The following COG3 variants were observed in gnomAD, a reference collection of about 807,000 sequenced individuals.
COG3 encodes the protein component of oligomeric golgi complex 3.
Under a neutral mutation model 114.1 loss-of-function variants are expected in COG3, and 32 were observed. The ratio of observed to expected loss-of-function variants is 0.28; its 90% CI spans 0.21 to 0.38. The LOEUF (loss-of-function observed/expected upper bound fraction) is 0.38. Among genes scored for constraint, COG3 ranks in the 10% least tolerant of loss-of-function variants. COG3 has a pLI of 1.00. For missense variants in COG3, 813 were observed against 973.2 expected (o/e 0.84, Z 2.19); for synonymous variants, 352 against 365.7 (o/e 0.96, Z 0.43).
At chr13:45,480,482 T>G (rs1886182150) in intron 4 of COG3, among the ~76,000 whole-genome samples, 192 bp downstream of exon 4, 1 of 152,242 alleles carries the variant, frequency 6.6e-6, no homozygotes, top group South Asian at 2.1e-4. Flanking sequence ...AAGGCAAGCC[T>G]TCTTATGTTT....
intron 4 of COG3, among the ~76,000 whole-genome samples, chr13:45,480,848 G>A (rs1212795648): frequency 6.6e-6 from 1 of 152,200 alleles, no homozygotes; most frequent in Non-Finnish European, 1.5e-5. Context: ...TTACAGGTGT[G>A]AGCCACTGCA....
chr13:45,513,579 T>A (rs1373278879), intron 16 of COG3, among the ~76,000 whole-genome samples: 1 of 146,718 alleles, frequency 6.8e-6, no homozygotes. Context: ...TATATACATT[T>A]TATATATATG....
At position 45,530,800 on chromosome 13, in the gene COG3, T is replaced by A. The variant is rs1391696180; in HGVS notation, c.2457+20T>A. ...GAACAGGTAATGGGTAGACTGAAGATCCTTATTACTTTTATGCCCTCTTGG... is the reference window on the plus strand; with the variant it reads ...GAACAGGTAATGGGTAGACTGAAGAACCTTATTACTTTTATGCCCTCTTGG... On this transcript the variant is annotated intron_variant, in intron 22 of 22. Transcript: ENST00000349995. 2 of 1,604,442 alleles carry A rather than the reference T, an allele frequency of 1.2e-6. No individual in the cohort carries two copies. Among genetic ancestry groups the A allele is most frequent in the Admixed American group, 3.3e-5 (2 of 59,814 alleles).
At position 45,535,462 on chromosome 13, in the gene COG3, A is replaced by T. The variant is rs556940521; in HGVS notation, c.*731A>T. The T allele has an allele frequency of 1.0e-5, 10 of 985,412 alleles. No homozygotes were observed. The highest frequency in any genetic ancestry group is 9.4e-5 in the South Asian group (2 of 21,284). 61.0% of individuals were successfully genotyped at this position (985,412 alleles called of 1,614,324 possible). On this transcript the variant is annotated 3_prime_UTR_variant, in exon 23 of 23. Transcript: ENST00000349995. ...TATCTTTAATGAGTATCTTCATGGT[A>T]TGATAGTGTGTGTTTGTGAGTGCGA...
In COG3 at chr13:45,516,134, A is replaced by G. The variant is rs755963481; in HGVS notation, c.1810-9A>G. On this transcript the variant is annotated splice_polypyrimidine_tract_variant and intron_variant, in intron 16 of 22. Coordinates refer to ENST00000349995, the MANE Select transcript of COG3 (RefSeq NM_031431.4). ...GTGATCATATCCATTTTTCTGTCTT[A>G]TAATTTAGACTCAGATTGATGGACA... The G allele has an allele frequency of 7.1e-6, 11 of 1,548,986 alleles. No homozygotes were observed. In the East Asian group the frequency reaches 2.5e-4, roughly 35 times the overall value.
chr13:45,475,105 C>A (rs1885778097), intron 1 of COG3, among the ~76,000 whole-genome samples: 1 of 152,172 alleles, frequency 6.6e-6, no homozygotes, highest in Admixed American at 6.5e-5. Context: ...GTTTTAATTT[C>A]AAAATTTGTC....
intron 1 of COG3, among the ~76,000 whole-genome samples, chr13:45,475,300 T>A (rs947457961): frequency 1.3e-5 from 2 of 152,244 alleles, no homozygotes; most frequent in Non-Finnish European, 2.9e-5. Context: ...TGGGCTCTGG[T>A]GGTCCTCCCA....
chr13:45,476,283 A>C lies in COG3; in HGVS notation c.257A>C (p.Asp86Ala). The change falls in exon 2 of 23, where the codon GAC (aspartate) becomes GCC (alanine). Residue 86 changes from aspartate to alanine, a missense_variant. Coordinates refer to ENST00000349995, the MANE Select transcript of COG3 (RefSeq NM_031431.4). Reference protein sequence around the residue: ...LTSVVPESTEDILLKGFTSLG... With the variant: ...LTSVVPESTEAILLKGFTSLG... ...TCAGTAGTGCCTGAATCTACAGAAG[A>C]CATTCTCTTGAAGGGCTTCACTTCC... is the stretch of plus-strand genomic sequence containing the variant. 1 of 1,613,884 alleles carries C rather than the reference A, an allele frequency of 6.2e-7. No individual in the cohort carries two copies. Among genetic ancestry groups the C allele is most frequent in the Admixed American group, 1.7e-5 (1 of 60,016 alleles).
At chr13:45,508,847 C>T (rs1282148751) in intron 14 of COG3, among the ~76,000 whole-genome samples, 1 of 152,124 alleles carries the variant, frequency 6.6e-6, no homozygotes, top group African/African-American at 2.4e-5. Context: ...GGGGGAAGCC[C>T]GCTCTGGTCA....
At chr13:45,507,104 T>C (rs556842074) in intron 14 of COG3, among the ~76,000 whole-genome samples, 1 of 152,288 alleles carries the variant, frequency 6.6e-6, no homozygotes, top group South Asian at 2.1e-4. Context: ...TGAACTAGTA[T>C]TAGTTACATA....
At chr13:45,498,721 G>C (rs1271710832) in intron 13 of COG3, among the ~76,000 whole-genome samples, 1 of 146,686 alleles carries the variant, frequency 6.8e-6, no homozygotes, top group African/African-American at 2.5e-5. Context: ...GCACCAGACT[G>C]TCTGGATTAC....
chr13:45,535,017 T>C lies in COG3; in HGVS notation c.*286T>C. On this transcript the variant is annotated 3_prime_UTR_variant, in exon 23 of 23. Transcript: ENST00000349995. ...AGAGAGAGCTAGGGCAGACATGCAGTGAAATGGTTCTTTGTTAAAAATGTG... is the reference window on the plus strand; with the variant it reads ...AGAGAGAGCTAGGGCAGACATGCAGCGAAATGGTTCTTTGTTAAAAATGTG... 8.5e-7 allele frequency: 1 copy of C among 1,182,448 alleles called. No homozygotes were observed. Among genetic ancestry groups the C allele is most frequent in the Non-Finnish European group, 1.0e-6 (1 of 957,924 alleles). 73.2% of individuals were successfully genotyped at this position (1,182,448 alleles called of 1,614,324 possible).
intron 1 of COG3, among the ~76,000 whole-genome samples, chr13:45,472,184 C>G (rs893808486): frequency 2.0e-5 from 3 of 152,104 alleles, no homozygotes; most frequent in Admixed American, 6.6e-5. Context: ...GATGAGAAGT[C>G]TGCTGTAATT....
intron 7 of COG3, 144 bp from the exon 8 acceptor site, chr13:45,486,351 A>G (rs1886667275): frequency 1.7e-6 from 1 of 579,646 alleles, no homozygotes; most frequent in Non-Finnish European, 3.0e-6. Flanking sequence ...GGAGAGGGAG[A>G]GGGAGAGGGA....
intron 14 of COG3, among the ~76,000 whole-genome samples, chr13:45,506,541 G>A (rs567706260): frequency 7.9e-5 from 12 of 152,220 alleles, no homozygotes; most frequent in Non-Finnish European, 1.5e-4. Context: ...ATAAGAATGC[G>A]ATTCTGCGAG....
chr13:45,482,784 T>A (rs1367211138), intron 6 of COG3, among the ~76,000 whole-genome samples: 3 of 152,234 alleles, frequency 2.0e-5, no homozygotes, highest in Admixed American at 2.0e-4. Flanking sequence ...GAGCCGTTTT[T>A]AAATTGTTGG....
chr13:45,495,096 G>A lies in COG3; in HGVS notation c.1328-1056G>A, dbSNP rs186603132. Among the ~76,000 whole-genome samples the A allele has an allele frequency of 2.1e-3, 312 of 150,386 alleles. 2 individuals are homozygous for A. The highest frequency in any genetic ancestry group is 3.4e-3 in the Non-Finnish European group (228 of 67,684). Reference sequence around the variant, plus strand: ...CTTGACCTCATGATCTGCCCGCCTCGGCCTCCCAAAGTGCTGGGATTACAG... The same window carrying A: ...CTTGACCTCATGATCTGCCCGCCTCAGCCTCCCAAAGTGCTGGGATTACAG... On this transcript the variant is annotated intron_variant, in intron 12 of 22. Coordinates refer to ENST00000349995, the MANE Select transcript of COG3 (RefSeq NM_031431.4).
chr13:45,493,719 A>C (rs1593704295), intron 12 of COG3: 1 of 295,198 alleles, frequency 3.4e-6, no homozygotes, highest in African/African-American at 2.1e-5. Context: ...AAATAATTAT[A>C]GTCAGTTTTC....
chr13:45,515,655 A>C (rs1871462567), intron 16 of COG3, among the ~76,000 whole-genome samples: 1 of 152,230 alleles, frequency 6.6e-6, no homozygotes, highest in African/African-American at 2.4e-5. Flanking sequence ...TGGCAACCTC[A>C]AATCATTTTA....
Sources: allele counts gnomAD v4.1 joint callset (sites outside exome capture counted in the v4.1 genomes callset), GRCh38; gene constraint gnomAD v4.1.1; transcripts MANE v1.5; gene names NCBI Gene and HGNC (gene_info 2026-07-23, HGNC 2026-07-21).